Variants in EML4 observed in about 807,000 individuals in gnomAD.
EML4 encodes EMAP like 4.
EML4 carries 72 observed loss-of-function variants against 129.0 expected under a neutral mutation model. The observed-to-expected ratio is 0.56, with a 90% CI of 0.46 to 0.68. The LOEUF (loss-of-function observed/expected upper bound fraction) is 0.68. Ranked by LOEUF, EML4 falls within the 30% of genes least tolerant of loss-of-function variation. EML4 has a pLI of 0.00. For synonymous variants in EML4, 532 were observed against 405.0 expected, an observed-to-expected ratio of 1.31 and a Z score of -3.77; for missense variants, 1,363 against 1,190.6, an observed-to-expected ratio of 1.14 and a Z score of -2.13.
chr2:42,271,013 A>G (rs551957046), intron 6 of EML4, among the ~76,000 whole-genome samples: 3 of 152,200 alleles, frequency 2.0e-5, no homozygotes, highest in African/African-American at 7.2e-5. Flanking sequence ...CTCCCATCTC[A>G]GCCCCCAGAG....
intron 17 of EML4, among the ~76,000 whole-genome samples, chr2:42,313,758 T>G (rs1305264986): frequency 1.3e-5 from 2 of 151,854 alleles, no homozygotes; most frequent in Non-Finnish European, 2.9e-5. Context: ...CGAAACCCTA[T>G]CTCTACTAAA....
intron 7 of EML4, among the ~76,000 whole-genome samples, chr2:42,282,080 C>T (rs1412671465): frequency 6.6e-6 from 1 of 152,082 alleles, no homozygotes; most frequent in Non-Finnish European, 1.5e-5. Context: ...TCCCTCCCTT[C>T]TCTCTCTTTT....
intron 17 of EML4, among the ~76,000 whole-genome samples, chr2:42,305,183 A>G (rs1191925393): frequency 6.6e-6 from 1 of 152,160 alleles, no homozygotes; most frequent in Non-Finnish European, 1.5e-5. Context: ...AGGCTGAGGC[A>G]GGAAGATTGC....
intron 1 of EML4, among the ~76,000 whole-genome samples, chr2:42,226,162 A>T (rs1673943426): frequency 6.6e-6 from 1 of 152,068 alleles, no homozygotes; most frequent in African/African-American, 2.4e-5. Flanking sequence ...TATGATAGTC[A>T]TTTATAGTAG....
At chr2:42,201,440 T>C (rs1672227645) in intron 1 of EML4, among the ~76,000 whole-genome samples, 1 of 152,224 alleles carries the variant, frequency 6.6e-6, no homozygotes. Flanking sequence ...ATAAGTCTAA[T>C]AGAACTTTAA....
chr2:42,285,752 C>T (rs1340695486), intron 9 of EML4, among the ~76,000 whole-genome samples: 2 of 152,046 alleles, frequency 1.3e-5, no homozygotes, highest in Non-Finnish European at 2.9e-5. Context: ...GCGCGTACTA[C>T]CATGCCTGGC....
intron 3 of EML4, among the ~76,000 whole-genome samples, chr2:42,259,593 A>T (rs1315065224): frequency 6.6e-6 from 1 of 152,102 alleles, no homozygotes; most frequent in South Asian, 2.1e-4. Flanking sequence ...TTCATAAAAT[A>T]TATCCATAAA....
At position 42,282,698 on chromosome 2, in the gene EML4, T is replaced by G. The variant is rs967431615; in HGVS notation, c.792-125T>G. On this transcript the variant is annotated intron_variant, in intron 7 of 22. Transcript: ENST00000318522. ...GTGAGCACTCTGCCCGTCCAGGACA[T>G]GAGTTTTCTAGTTCTAGTTCAGTCT... 4 of 860,050 alleles carry G rather than the reference T, an allele frequency of 4.7e-6. No homozygotes were observed. The African/African-American group carries it at 6.8e-5, about 15-fold the overall frequency. 53.3% of individuals were successfully genotyped at this position (860,050 alleles called of 1,614,324 possible).
rs765810557 is a variant in EML4, at chr2:42,262,755, G to GTAA, written c.513-422_513-421insAAT. On this transcript the variant is annotated intron_variant, in intron 4 of 22. Coordinates refer to ENST00000318522, the MANE Select transcript of EML4 (RefSeq NM_019063.5). The stretch of plus-strand genomic sequence containing the variant: ...TTATACCTTGTTATATTTAGAAATT[G>GTAA]TCATTTGTACCATATGTAATGTAAT... Among the ~76,000 whole-genome samples the GTAA allele has an allele frequency of 2.0e-5, 3 of 152,182 alleles. No individual in the cohort carries two copies. In the East Asian group the frequency reaches 5.8e-4, roughly 29 times the overall value.
intron 1 of EML4, among the ~76,000 whole-genome samples, chr2:42,188,707 G>A (rs1367845616): frequency 6.6e-6 from 1 of 152,100 alleles, no homozygotes; most frequent in African/African-American, 2.4e-5. Context: ...TGTGTTTTTA[G>A]TAGAGATGGA....
chr2:42,244,725 A>T (rs943938106), intron 1 of EML4, among the ~76,000 whole-genome samples: 1 of 152,152 alleles, frequency 6.6e-6, no homozygotes, highest in Non-Finnish European at 1.5e-5. Context: ...CTTCCTCATC[A>T]TTGTTGGTTA....
At chr2:42,212,742 C>T (rs1672958399) in intron 1 of EML4, among the ~76,000 whole-genome samples, 1 of 152,194 alleles carries the variant, frequency 6.6e-6, no homozygotes, top group African/African-American at 2.4e-5. Context: ...TCACATTTTC[C>T]AGTGTTTCTC....
intron 17 of EML4, among the ~76,000 whole-genome samples, chr2:42,308,340 T>C (rs1668732762): frequency 6.6e-6 from 1 of 151,902 alleles, no homozygotes; most frequent in Non-Finnish European, 1.5e-5. Flanking sequence ...ACCCTGTCTT[T>C]ACAAGAAAAA....
intron 2 of EML4, among the ~76,000 whole-genome samples, chr2:42,249,473 G>T (rs1424583359): frequency 6.6e-6 from 1 of 152,118 alleles, no homozygotes. Flanking sequence ...TGGTTCAAAG[G>T]ACAAGTCAAC....
intron 6 of EML4, among the ~76,000 whole-genome samples, chr2:42,276,144 G>A (rs1272184248): frequency 6.6e-6 from 1 of 152,170 alleles, no homozygotes; most frequent in African/African-American, 2.4e-5. Context: ...AAGGTAAAGA[G>A]TGTCTTCCTA....
chr2:42,329,117 A>G (rs1669965029), intron 22 of EML4, 101 bp downstream of exon 22: 1 of 1,218,988 alleles, frequency 8.2e-7, no homozygotes, highest in South Asian at 1.5e-5. Flanking sequence ...CCTCTCCATG[A>G]TACTCCAGTG....
intron 1 of EML4, among the ~76,000 whole-genome samples, chr2:42,220,064 C>T (rs1394850075): frequency 6.6e-6 from 1 of 151,884 alleles, no homozygotes; most frequent in Non-Finnish European, 1.5e-5. Flanking sequence ...ACATTATTTT[C>T]ACTCATAGTG....
intron 1 of EML4, among the ~76,000 whole-genome samples, chr2:42,202,432 C>T (rs928373712): frequency 4.6e-5 from 7 of 151,988 alleles, no homozygotes; most frequent in East Asian, 3.9e-4. Flanking sequence ...AGTCAGTGTT[C>T]TCTAGAGGGA....
chr2:42,204,130 G>A (rs1455259389), intron 1 of EML4, among the ~76,000 whole-genome samples: 1 of 152,074 alleles, frequency 6.6e-6, no homozygotes, highest in East Asian at 1.9e-4. Context: ...TTGTTGCCCA[G>A]GCTGGTCTCA....
Sources: allele counts gnomAD v4.1 joint callset (sites outside exome capture counted in the v4.1 genomes callset), GRCh38; gene constraint gnomAD v4.1.1; transcripts MANE v1.5; gene names NCBI Gene and HGNC (gene_info 2026-07-23, HGNC 2026-07-21).